Variants in DMXL2 observed in about 807,000 individuals in gnomAD.
The protein encoded by DMXL2 is dmX-like protein 2.
In DMXL2, 103 loss-of-function variants were observed where a neutral mutation model predicts 331.1. The observed-to-expected ratio is 0.31, with a 90% confidence interval of 0.27 to 0.37. DMXL2 has a LOEUF of 0.37. Ranked by LOEUF, DMXL2 falls within the 10% of genes least tolerant of loss-of-function variation. The pLI is 1.00. For synonymous variants in DMXL2, 1,281 were observed against 1,252.1 expected, an observed-to-expected ratio of 1.02 and a Z score of -0.49; for missense variants, 3,171 against 3,642.9, an observed-to-expected ratio of 0.87 and a Z score of 3.33.
intron 19 of DMXL2, among the ~76,000 whole-genome samples, chr15:51,493,878 A>C (rs577811311): frequency 1.1e-3 from 166 of 152,326 alleles, no homozygotes; most frequent in Middle Eastern, 3.4e-3. Context: ...AATGGGGTTG[A>C]GATTTGGCAT....
intron 1 of DMXL2, among the ~76,000 whole-genome samples, chr15:51,605,869 G>C (rs960690130): frequency 6.6e-6 from 1 of 151,596 alleles, no homozygotes; most frequent in Non-Finnish European, 1.5e-5. Context: ...AATGAACATA[G>C]ATGTAAAAAC....
intron 8 of DMXL2, among the ~76,000 whole-genome samples, chr15:51,543,775 A>T (rs1458990574): frequency 5.3e-5 from 8 of 152,168 alleles, no homozygotes; most frequent in African/African-American, 1.7e-4. Context: ...TATTAATAAA[A>T]GACAGTAAAA....
intron 19 of DMXL2, among the ~76,000 whole-genome samples, chr15:51,492,942 A>C (rs921906107): frequency 3.9e-5 from 6 of 152,170 alleles, no homozygotes; most frequent in Non-Finnish European, 8.8e-5. Context: ...GCTTCACTGT[A>C]ATTTCTTTAG....
intron 40 of DMXL2, 89 bp downstream of exon 40, chr15:51,455,062 G>A: frequency 1.9e-6 from 2 of 1,047,268 alleles, no homozygotes; most frequent in Non-Finnish European, 3.0e-6. Context: ...TTCCCAATAG[G>A]ACCACCAATG....
chr15:51,583,230 T>C (rs1279599473), intron 1 of DMXL2, among the ~76,000 whole-genome samples: 33 of 104,068 alleles, frequency 3.2e-4, no homozygotes, highest in African/African-American at 1.0e-3. Flanking sequence ...CACCCACTAA[T>C]GTGTCATCTA....
intron 3 of DMXL2, among the ~76,000 whole-genome samples, chr15:51,566,493 T>C (rs1567127169): frequency 6.6e-6 from 1 of 152,096 alleles, no homozygotes; most frequent in Non-Finnish European, 1.5e-5. Flanking sequence ...TTCCTCAGAG[T>C]GCAATCTGTG....
At chr15:51,460,310 C>G in intron 33 of DMXL2, 1 of 985,418 alleles carries the variant, frequency 1.0e-6, no homozygotes, top group Non-Finnish European at 1.2e-6. Flanking sequence ...GACTGCCTTC[C>G]TTTCATCACG....
intron 1 of DMXL2, among the ~76,000 whole-genome samples, chr15:51,608,189 A>AC (rs2053718633): frequency 1.3e-5 from 2 of 151,914 alleles, no homozygotes; most frequent in African/African-American, 4.8e-5. Flanking sequence ...AGTCTCAAAA[A>AC]AAAAAGAATG....
intron 29 of DMXL2, among the ~76,000 whole-genome samples, chr15:51,468,600 G>A (rs1055850580): frequency 2.0e-5 from 3 of 152,084 alleles, no homozygotes; most frequent in Non-Finnish European, 4.4e-5. Context: ...CTGTCTTTCC[G>A]ACTCAAAATG....
In DMXL2 at chr15:51,459,026, G is replaced by A. The variant is rs537209842; in HGVS notation, c.7990-231C>T. On this transcript the variant is annotated intron_variant, in intron 34 of 43. Transcript: ENST00000560891. ...ACCCCAATTTCCACTGTGATGGTAA[G>A]ATACTGATTAATTATAAAACATGGC... 8.4e-4 allele frequency: 406 copies of A among 485,786 alleles called. 1 individual carries two copies. Among genetic ancestry groups the A allele is most frequent in the African/African-American group, 7.3e-3 (379 of 52,224 alleles). 30.1% of individuals were successfully genotyped at this position (485,786 alleles called of 1,614,324 possible).
rs1312989162 is a variant in DMXL2, at chr15:51,456,056, A to G, written c.8526+10T>C. ...TCAGATGAATTCAGCAGTAGCCCCC[A>G]GAAACTAACCTTGTTGCCTTGTGAA... On this transcript the variant is annotated intron_variant, in intron 39 of 43. Transcript: ENST00000560891. 1 of 1,613,726 alleles carries G rather than the reference A, an allele frequency of 6.2e-7. No homozygotes were observed. The highest frequency in any genetic ancestry group is 1.7e-5 in the Admixed American group (1 of 59,918).
At chr15:51,543,396 G>A (rs2048712345) in intron 8 of DMXL2, among the ~76,000 whole-genome samples, 3 of 152,096 alleles carry the variant, frequency 2.0e-5, no homozygotes, top group African/African-American at 7.2e-5. Flanking sequence ...TTCTCATTTT[G>A]CATATGGAAA....
At chr15:51,487,339 A>G (rs1353896075) in intron 22 of DMXL2, among the ~76,000 whole-genome samples, 1 of 152,230 alleles carries the variant, frequency 6.6e-6, no homozygotes, top group Non-Finnish European at 1.5e-5. Context: ...TGACCTATGT[A>G]CTTTAAACAG....
intron 9 of DMXL2, among the ~76,000 whole-genome samples, chr15:51,540,673 A>G (rs936703103): frequency 7.9e-5 from 12 of 152,228 alleles, no homozygotes; most frequent in Admixed American, 7.9e-4. Flanking sequence ...AAGTCCTAAC[A>G]ATATAAAATT....
At chr15:51,461,821 T>C (rs895519598) in intron 33 of DMXL2, among the ~76,000 whole-genome samples, 3 of 152,162 alleles carry the variant, frequency 2.0e-5, no homozygotes, top group Non-Finnish European at 4.4e-5. Context: ...ATTACAGGTG[T>C]GAGCCACTAT....
chr15:51,562,773 C>T (rs2050048456), intron 6 of DMXL2, among the ~76,000 whole-genome samples: 1 of 152,098 alleles, frequency 6.6e-6, no homozygotes, highest in Admixed American at 6.5e-5. Flanking sequence ...TCATGAGATA[C>T]CTACATCAGG....
intron 13 of DMXL2, 98 bp downstream of exon 13, chr15:51,535,565 C>T: frequency 9.0e-7 from 1 of 1,106,068 alleles, no homozygotes; most frequent in Non-Finnish European, 1.3e-6. Flanking sequence ...CATATACTTA[C>T]TCCCTAAACA....
intron 33 of DMXL2, chr15:51,459,923 C>G: frequency 9.1e-7 from 1 of 1,104,512 alleles, no homozygotes; most frequent in Non-Finnish European, 1.1e-6. Context: ...TATCTGTATA[C>G]AGTTTTAAGA....
intron 15 of DMXL2, among the ~76,000 whole-genome samples, chr15:51,513,200 T>C (rs1390606673): frequency 6.6e-6 from 1 of 152,122 alleles, no homozygotes; most frequent in East Asian, 1.9e-4. Context: ...TTAATGCAAG[T>C]CAATTAAAAT....
Sources: allele counts gnomAD v4.1 joint callset (sites outside exome capture counted in the v4.1 genomes callset), GRCh38; gene constraint gnomAD v4.1.1; transcripts MANE v1.5; gene names NCBI Gene and HGNC (gene_info 2026-07-23, HGNC 2026-07-21).